The following FAM20B variants were observed in gnomAD, a reference collection of about 807,000 sequenced individuals.
FAM20B encodes the protein glycosaminoglycan xylosylkinase.
Under a neutral mutation model 43.8 loss-of-function variants are expected in FAM20B, and 23 were observed. The observed-to-expected ratio is 0.53, with a 90% confidence interval of 0.38 to 0.74. The LOEUF is 0.74. Ranked by LOEUF, FAM20B falls within the 30% of genes least tolerant of loss-of-function variation. FAM20B has a pLI of 0.00. For missense variants in FAM20B, 440 were observed against 510.5 expected (o/e 0.86, Z 1.33); for synonymous variants, 178 against 192.4 (o/e 0.93, Z 0.62).
chr1:179,059,511 C>G (rs1261837959), intron 4 of FAM20B, among the ~76,000 whole-genome samples: 3 of 152,154 alleles, frequency 2.0e-5, no homozygotes, highest in African/African-American at 7.2e-5. Flanking sequence ...AACCTGACCT[C>G]AGACCCCACA....
chr1:179,049,501 A>T lies in FAM20B; in HGVS notation c.378-778A>T, dbSNP rs536071468. On this transcript the variant is annotated intron_variant, in intron 2 of 7. Coordinates refer to ENST00000263733, the MANE Select transcript of FAM20B (RefSeq NM_014864.4). ...ATCAGACTATTTTCCCCCAAATTTAAATTTCTCTTATAAGCTTTGCCACAG... is the reference window on the plus strand; with the variant it reads ...ATCAGACTATTTTCCCCCAAATTTATATTTCTCTTATAAGCTTTGCCACAG... 8.5e-5 allele frequency among the ~76,000 whole-genome samples: 13 copies of T among 152,278 alleles called. No individual in the cohort carries two copies. In the East Asian group the frequency reaches 2.5e-3, roughly 29 times the overall value.
chr1:179,024,746 C>T (rs1649688818), upstream of FAM20B, among the ~76,000 whole-genome samples: 1 of 152,238 alleles, frequency 6.6e-6, no homozygotes. Flanking sequence ...AGTAAATGCT[C>T]AGCAAATATA....
chr1:179,025,742 A>T (rs1649731927), upstream of FAM20B: 2 of 150,602 alleles, frequency 1.3e-5, no homozygotes, highest in African/African-American at 4.9e-5. Flanking sequence ...CCCGGTATGG[A>T]AGAGGTTAAG....
chr1:179,035,047 G>C (rs79988267), intron 1 of FAM20B, among the ~76,000 whole-genome samples: 10,242 of 152,122 alleles, frequency 0.067, 394 homozygotes, highest in South Asian at 0.086. Context: ...TGATTCAAGG[G>C]GACACTTCTA....
upstream of FAM20B, among the ~76,000 whole-genome samples, chr1:179,021,124 T>C (rs1350415044): frequency 3.3e-5 from 5 of 152,132 alleles, no homozygotes; most frequent in African/African-American, 9.7e-5. Flanking sequence ...CTCTAGCACA[T>C]CCCTCGGCCA....
intron 1 of FAM20B, among the ~76,000 whole-genome samples, chr1:179,037,763 A>G (rs1410384281): frequency 3.3e-5 from 5 of 152,062 alleles, no homozygotes; most frequent in African/African-American, 1.2e-4. Flanking sequence ...TTGGGATTAC[A>G]GGCGTGAGGC....
At chr1:179,045,534 G>T (rs1650728113) in intron 2 of FAM20B, among the ~76,000 whole-genome samples, 1 of 152,180 alleles carries the variant, frequency 6.6e-6, no homozygotes, top group African/African-American at 2.4e-5. Flanking sequence ...ATCACTGTTG[G>T]TCTGGAACTG....
At position 179,075,093 on chromosome 1, in the gene FAM20B, G is replaced by A. The variant is rs904890256; in HGVS notation, c.*2949G>A. On this transcript the variant is annotated 3_prime_UTR_variant, in exon 8 of 8. Coordinates refer to ENST00000263733, the MANE Select transcript of FAM20B (RefSeq NM_014864.4). Reference sequence around the variant, plus strand: ...TGTAGTCCCAGCTACTCGGGAGGCTGAGGCAGGAGAATCACTTGAATCCAG... The same window carrying A: ...TGTAGTCCCAGCTACTCGGGAGGCTAAGGCAGGAGAATCACTTGAATCCAG... 1 of 152,130 alleles carries A rather than the reference G, an allele frequency of 6.6e-6. No individual in the cohort carries two copies. Among genetic ancestry groups the A allele is most frequent in the African/African-American group, 2.4e-5 (1 of 41,386 alleles). The allele number at this position is 152,130 out of a possible 1,614,324, so 9.4% of individuals were successfully genotyped here. A position where few individuals can be genotyped will look rare whatever the true frequency, so the allele number is the denominator to read the frequency against.
upstream of FAM20B, among the ~76,000 whole-genome samples, chr1:179,025,451 G>A (rs1649713298): frequency 6.6e-6 from 1 of 152,164 alleles, no homozygotes; most frequent in Non-Finnish European, 1.5e-5. Context: ...CCGAGCAGAA[G>A]TCAAGGCAAA....
the FAM20B span, among the ~76,000 whole-genome samples, chr1:179,018,571 T>G: frequency 1.2e-4 from 19 of 152,188 alleles, no homozygotes; most frequent in Admixed American, 2.0e-4. Flanking sequence ...CCTCCCAAAG[T>G]GCTAGGATTG....
At chr1:179,056,790 G>GCATTT (rs1651236885) in intron 4 of FAM20B, among the ~76,000 whole-genome samples, 2 of 152,076 alleles carry the variant, frequency 1.3e-5, no homozygotes, top group Non-Finnish European at 2.9e-5. Context: ...ATCCTTGGCA[G>GCATTT]CATTTGATGT....
chr1:179,056,321 T>G (rs1651219700), intron 4 of FAM20B, among the ~76,000 whole-genome samples: 1 of 152,230 alleles, frequency 6.6e-6, no homozygotes, highest in Non-Finnish European at 1.5e-5. Context: ...CCAATCCCCT[T>G]GCAACTACTG....
At position 179,059,003 on chromosome 1, in the gene FAM20B, T is replaced by C. The variant is rs182937340; in HGVS notation, c.574+4365T>C. ...AGGGAGGTGGAGCAGAGAAAGATAATGAATTTAATCTTGGATATTTTGTTT... is the reference window on the plus strand; with the variant it reads ...AGGGAGGTGGAGCAGAGAAAGATAACGAATTTAATCTTGGATATTTTGTTT... On this transcript the variant is annotated intron_variant, in intron 4 of 7. Transcript: ENST00000263733. Among the ~76,000 whole-genome samples, 78 of 152,302 alleles carry C rather than the reference T, an allele frequency of 5.1e-4. 1 individual carries two copies. The East Asian group carries it at 0.015, about 28-fold the overall frequency.
chr1:179,040,383 C>T (rs983789540), intron 1 of FAM20B, among the ~76,000 whole-genome samples: 2 of 150,762 alleles, frequency 1.3e-5, no homozygotes, highest in African/African-American at 4.9e-5. Context: ...ACTTCCCTCC[C>T]GGACTGGGCG....
chr1:179,028,366 G>A (rs564838039), intron 1 of FAM20B, among the ~76,000 whole-genome samples: 3 of 152,278 alleles, frequency 2.0e-5, no homozygotes, highest in South Asian at 4.1e-4. Context: ...GGCGGATCAC[G>A]AGGTCAAGAG....
At chr1:179,041,167 C>T (rs1650504525) in intron 1 of FAM20B, among the ~76,000 whole-genome samples, 1 of 150,844 alleles carries the variant, frequency 6.6e-6, no homozygotes, top group Non-Finnish European at 1.5e-5. Flanking sequence ...TCCTCACTTT[C>T]CAGACTGGGC....
chr1:179,039,986 C>T (rs946695163), intron 1 of FAM20B, among the ~76,000 whole-genome samples: 17 of 152,280 alleles, frequency 1.1e-4, no homozygotes, highest in African/African-American at 1.4e-4. Flanking sequence ...CATCTTGCAC[C>T]GCCCTTAATC....
Position 179,044,152 on chromosome 1 carries a change from G to A in FAM20B, c.305G>A (p.Gly102Asp), listed in dbSNP as rs961757705. The A allele has an allele frequency of 3.7e-6, 6 of 1,614,060 alleles. No homozygotes were observed. The highest frequency in any genetic ancestry group is 5.1e-6 in the Non-Finnish European group (6 of 1,180,034). The change falls in exon 2 of 8, where the codon GGT (glycine) becomes GAT (aspartate). Residue 102 changes from glycine (G) to aspartate (D), a missense_variant. Gly to Asp is a moderately conservative substitution (Grantham distance 94, BLOSUM62 -1). Coordinates refer to ENST00000263733, the MANE Select transcript of FAM20B (RefSeq NM_014864.4). ...ATKKIIKADV[G>D]YKGTQLKALL... ...AAGAAAATCATTAAAGCTGATGTGG[G>A]TTATAAAGGGACACAGCTGAAAGCC... is the stretch of plus-strand genomic sequence containing the variant.
chr1:179,040,171 C>T (rs1018437718), intron 1 of FAM20B, among the ~76,000 whole-genome samples: 8 of 152,244 alleles, frequency 5.3e-5, no homozygotes, highest in South Asian at 2.1e-4. Flanking sequence ...CTCCTCAATC[C>T]TTTCCCCACC....
Sources: gnomAD v4.1 joint callset for allele counts (sites outside exome capture counted in the v4.1 genomes callset) on GRCh38, gnomAD v4.1.1 for gene constraint, MANE v1.5 for transcripts, NCBI Gene and HGNC (gene_info 2026-07-23, HGNC 2026-07-21) for gene names.